GALNT5: variants seen among roughly 807,000 people sequenced by gnomAD.
GALNT5 encodes polypeptide N-acetylgalactosaminyltransferase 5.
GALNT5 carries 72 observed loss-of-function variants against 85.4 expected under a neutral mutation model. The observed-to-expected ratio is 0.84, with a 90% CI of 0.70 to 1.03. The LOEUF is 1.03. Among genes scored for constraint, GALNT5 ranks in the 50% least tolerant of loss-of-function variants. GALNT5 has a pLI of 0.00. For missense variants in GALNT5, 1,137 were observed against 1,135.5 expected (o/e 1.00, Z -0.02); for synonymous variants, 404 against 397.0 (o/e 1.02, Z -0.21).
At chr2:157,287,138 G>C (rs1054263701) in intron 3 of GALNT5, among the ~76,000 whole-genome samples, 2 of 152,094 alleles carry the variant, frequency 1.3e-5, no homozygotes, top group African/African-American at 4.8e-5. Context: ...TACTAACTTT[G>C]TTAGTTAAGA....
intron 3 of GALNT5, among the ~76,000 whole-genome samples, chr2:157,290,112 T>TACATACATATACAC (rs1553463000): frequency 2.2e-5 from 3 of 138,248 alleles, no homozygotes; most frequent in African/African-American, 9.2e-5. Flanking sequence ...TATATATATA[T>TACATACATATACAC]ACATACACAA....
intron 1 of GALNT5, among the ~76,000 whole-genome samples, chr2:157,272,910 T>TA (rs893309461): frequency 3.3e-5 from 5 of 152,214 alleles, no homozygotes; most frequent in Non-Finnish European, 5.9e-5. Context: ...AGTTCTGTGT[T>TA]AAGTTCTTTG....
intron 1 of GALNT5, among the ~76,000 whole-genome samples, chr2:157,281,098 C>G (rs1266677861): frequency 3.3e-5 from 5 of 152,088 alleles, no homozygotes; most frequent in Non-Finnish European, 7.4e-5. Flanking sequence ...ACTCTGTCAC[C>G]CAGGCTGGAG....
At chr2:157,311,096 T>C (rs1683559626) in intron 9 of GALNT5, 112 bp from the exon 10 acceptor site, 6 of 864,754 alleles carry the variant, frequency 6.9e-6, no homozygotes, top group African/African-American at 1.7e-5. Flanking sequence ...GAAGAATTCT[T>C]AAAAATCAAA....
At chr2:157,279,529 C>A (rs977516024) in intron 1 of GALNT5, among the ~76,000 whole-genome samples, 2 of 152,222 alleles carry the variant, frequency 1.3e-5, no homozygotes, top group Non-Finnish European at 2.9e-5. Flanking sequence ...CAATGGTGGA[C>A]GTCCCTCCCC....
rs777831275 is a variant in GALNT5 at position 157,308,599 on chromosome 2, T to C, written c.2553T>C (p.Leu851=). 2.5e-6 allele frequency: 4 copies of C among 1,613,392 alleles called. No individual in the cohort carries two copies. The East Asian group carries it at 6.7e-5, about 27-fold the overall frequency. The change falls in exon 9 of 10, where the codon CTT becomes CTC. Residue 851 remains leucine (L), a synonymous_variant. Coordinates refer to ENST00000259056, the MANE Select transcript of GALNT5 (RefSeq NM_014568.3). Reference sequence around the variant, plus strand: ...AATTTAATTACACCTGGTTAAGACTTATTAAATGTGGAGAATGGTGTATAG... The same window carrying C: ...AATTTAATTACACCTGGTTAAGACTCATTAAATGTGGAGAATGGTGTATAG... ...LQQFNYTWLR[L]IKCGEWCIAP...
intron 4 of GALNT5, 89 bp downstream of exon 4, chr2:157,295,887 T>C: frequency 2.1e-6 from 2 of 946,204 alleles, no homozygotes; most frequent in South Asian, 3.3e-5. Context: ...AATATGTGTG[T>C]TTTTTCAAAA....
intron 1 of GALNT5, among the ~76,000 whole-genome samples, chr2:157,277,684 CT>C (rs1253473204): frequency 6.6e-5 from 10 of 152,296 alleles, no homozygotes; most frequent in Non-Finnish European, 1.3e-4. Flanking sequence ...GTAGATCCTC[CT>C]CCATCCCTTT....
chr2:157,283,493 A>T (rs1334598168), intron 1 of GALNT5, among the ~76,000 whole-genome samples: 1 of 152,226 alleles, frequency 6.6e-6, no homozygotes, highest in Admixed American at 6.5e-5. Flanking sequence ...TTCCTATGCC[A>T]GCAAAATGGT....
intron 5 of GALNT5, among the ~76,000 whole-genome samples, chr2:157,298,258 C>T (rs141566627): frequency 2.6e-4 from 40 of 152,260 alleles, no homozygotes; most frequent in Middle Eastern, 3.4e-3. Context: ...AAAAGGAAAA[C>T]ACCTGGGTCT....
At chr2:157,270,138 C>T (rs370603275) in intron 1 of GALNT5, among the ~76,000 whole-genome samples, 7 of 152,210 alleles carry the variant, frequency 4.6e-5, no homozygotes, top group African/African-American at 1.4e-4. Flanking sequence ...CTTTCCCTGA[C>T]CCAGAGCCCA....
At chr2:157,275,300 T>C (rs1342128587) in intron 1 of GALNT5, among the ~76,000 whole-genome samples, 1 of 152,214 alleles carries the variant, frequency 6.6e-6, no homozygotes, top group African/African-American at 2.4e-5. Context: ...TGGGATTGTC[T>C]TGGCAATGCA....
At position 157,258,012 on chromosome 2, in the gene GALNT5, T is replaced by C. The variant is rs1682225104; in HGVS notation, c.-71T>C. The C allele has an allele frequency of 1.3e-6, 2 of 1,538,570 alleles. No individual in the cohort carries two copies. The highest frequency in any genetic ancestry group is 3.4e-5 in the Admixed American group (2 of 59,632). ...CTGCTGCTGCTGCTGCTGCTGCTGCTACTTCAGCTTCCTCTCCACTCAAGG... is the reference window on the plus strand; with the variant it reads ...CTGCTGCTGCTGCTGCTGCTGCTGCCACTTCAGCTTCCTCTCCACTCAAGG... On this transcript the variant is annotated 5_prime_UTR_variant, in exon 1 of 10. Transcript: ENST00000259056.
Position 157,313,221 on chromosome 2 carries a change from T to A in GALNT5, c.*1873T>A, listed in dbSNP as rs1683615235. On this transcript the variant is annotated 3_prime_UTR_variant, in exon 10 of 10. Transcript: ENST00000259056. ...TATCTTTAGTGTGCTTTTCTATGTTTAGACACACAAATACTCACCATGATG... is the reference window on the plus strand; with the variant it reads ...TATCTTTAGTGTGCTTTTCTATGTTAAGACACACAAATACTCACCATGATG... The A allele has an allele frequency of 6.6e-6, 1 of 152,186 alleles. No individual in the cohort carries two copies. The highest frequency in any genetic ancestry group is 6.5e-5 in the Admixed American group (1 of 15,268). The allele number at this position is 152,186 out of a possible 1,614,324, so 9.4% of individuals were successfully genotyped here.
At chr2:157,268,785 T>C (rs1185536732) in intron 1 of GALNT5, among the ~76,000 whole-genome samples, 1 of 140,046 alleles carries the variant, frequency 7.1e-6, no homozygotes, top group Non-Finnish European at 1.5e-5. Context: ...TAAGCCTAGA[T>C]TCCCCCCCAA....
chr2:157,314,729 A>G lies in GALNT5; in HGVS notation c.*3381A>G, dbSNP rs11688797. The stretch of plus-strand genomic sequence containing the variant: ...ATAAGATTGAAACATGCCAGAGAGT[A>G]CCATCTTTCTTTGTTTTAACATCTC... On this transcript the variant is annotated 3_prime_UTR_variant, in exon 10 of 10. Coordinates refer to ENST00000259056, the MANE Select transcript of GALNT5 (RefSeq NM_014568.3). Among the ~76,000 whole-genome samples the G allele has an allele frequency of 6.6e-6, 1 of 152,152 alleles. No homozygotes were observed. Among genetic ancestry groups the G allele is most frequent in the Non-Finnish European group, 1.5e-5 (1 of 68,028 alleles).
intron 3 of GALNT5, among the ~76,000 whole-genome samples, chr2:157,291,638 C>CG (rs201589995): frequency 2.2e-5 from 3 of 138,964 alleles, no homozygotes; most frequent in East Asian, 2.2e-4. Context: ...CACCCACCCC[C>CG]CCCCAGATTT....
At chr2:157,281,487 A>G (rs1256768385) in intron 1 of GALNT5, among the ~76,000 whole-genome samples, 6 of 152,212 alleles carry the variant, frequency 3.9e-5, no homozygotes, top group Non-Finnish European at 8.8e-5. Flanking sequence ...TGGTAGCAAT[A>G]TGAATATCAA....
rs141674441 is a variant in GALNT5, at chr2:157,268,085, T to C, written c.1454+8549T>C. On this transcript the variant is annotated intron_variant, in intron 1 of 9. Coordinates refer to ENST00000259056, the MANE Select transcript of GALNT5 (RefSeq NM_014568.3). ...GGCTCACATGAAGGCAGTAGTTGAA[T>C]TGCAAATAGAAGTTAAGAAAATATT... Among the ~76,000 whole-genome samples the C allele has an allele frequency of 1.0e-3, 159 of 152,258 alleles. 1 individual carries two copies. Among genetic ancestry groups the C allele is most frequent in the African/African-American group, 3.6e-3 (148 of 41,552 alleles).
Sources: gnomAD v4.1 joint callset for allele counts (sites outside exome capture counted in the v4.1 genomes callset) on GRCh38, gnomAD v4.1.1 for gene constraint, MANE v1.5 for transcripts, NCBI Gene and HGNC (gene_info 2026-07-23, HGNC 2026-07-21) for gene names.